HACD1: variants seen among roughly 807,000 people sequenced by gnomAD.
The protein encoded by HACD1 is 3-hydroxyacyl-CoA dehydratase 1.
HACD1 carries 41 observed loss-of-function variants against 32.0 expected under a neutral mutation model. The ratio of observed to expected loss-of-function variants is 1.28; its 90% CI spans 1.00 to 1.66. The LOEUF is 1.66. Ranked by LOEUF, HACD1 falls within the 40% of genes most tolerant of loss-of-function variation. HACD1 has a pLI of 0.00. For missense variants in HACD1, 396 were observed against 380.1 expected (o/e 1.04, Z -0.35); for synonymous variants, 142 against 139.0 (o/e 1.02, Z -0.15).
chr10:17,605,196 T>C, intron 1 of HACD1, among the ~76,000 whole-genome samples: 1 of 152,044 alleles, frequency 6.6e-6, no homozygotes, highest in Admixed American at 6.6e-5. Flanking sequence ...CACAAAAATG[T>C]GAATGTACTT....
chr10:17,601,185 C>A (rs911741654), intron 4 of HACD1, among the ~76,000 whole-genome samples: 5 of 151,998 alleles, frequency 3.3e-5, no homozygotes, highest in African/African-American at 1.2e-4. Flanking sequence ...AGGTGCGCAC[C>A]ACCACACCTG....
intron 1 of HACD1, among the ~76,000 whole-genome samples, chr10:17,605,469 G>A (rs578114073): frequency 2.0e-5 from 3 of 150,824 alleles, no homozygotes; most frequent in Non-Finnish European, 4.4e-5. Flanking sequence ...AGGTTGCAGT[G>A]AGCCAAGATC....
chr10:17,606,272 A>C (rs563209950), intron 1 of HACD1, among the ~76,000 whole-genome samples: 2 of 152,374 alleles, frequency 1.3e-5, no homozygotes, highest in African/African-American at 4.8e-5. Context: ...TGTTCTGTGA[A>C]TAATAATCGT....
chr10:17,606,665 C>G (rs536795680), intron 1 of HACD1, among the ~76,000 whole-genome samples: 56 of 152,264 alleles, frequency 3.7e-4, no homozygotes, highest in Non-Finnish European at 7.1e-4. Flanking sequence ...AATAAGATGG[C>G]AGAATGACAC....
Position 17,594,289 on chromosome 10 carries a change from A to T in HACD1, c.700T>A (p.Phe234Ile). ...ALPHVKKTGM[F>I]SIRLPNKYNV... ...TATTTGTTAGGAAGTCTTATTGAAAACATTCCTGTTTTCTTCACATGCGGC... is the reference window on the plus strand; with the variant it reads ...TATTTGTTAGGAAGTCTTATTGAAATCATTCCTGTTTTCTTCACATGCGGC... The change falls in exon 6 of 7, where the codon TTT becomes ATT. Residue 234 changes from phenylalanine to isoleucine, a missense_variant. Coordinates refer to ENST00000361271, the MANE Select transcript of HACD1 (RefSeq NM_014241.4). The T allele has an allele frequency of 6.2e-7, 1 of 1,603,202 alleles. No homozygotes were observed. Among genetic ancestry groups the T allele is most frequent in the Non-Finnish European group, 8.5e-7 (1 of 1,174,570 alleles).
intron 5 of HACD1, among the ~76,000 whole-genome samples, chr10:17,597,728 T>C (rs1162201278): frequency 1.3e-5 from 2 of 151,878 alleles, no homozygotes; most frequent in Non-Finnish European, 2.9e-5. Context: ...GTTCTAGGAT[T>C]AGAGTCCAGC....
chr10:17,593,696 G>A lies in HACD1; in HGVS notation c.784+509C>T, dbSNP rs534436421. ...AAAGATGATGAGAAATTAGTGAAGAGGCTGACTTATTCAAAATCCTTTAAG... is the reference window on the plus strand; with the variant it reads ...AAAGATGATGAGAAATTAGTGAAGAAGCTGACTTATTCAAAATCCTTTAAG... On this transcript the variant is annotated intron_variant, in intron 6 of 6. Transcript: ENST00000361271. 2.4e-4 allele frequency among the ~76,000 whole-genome samples: 36 copies of A among 152,288 alleles called. No homozygotes were observed. In the East Asian group the frequency reaches 6.9e-3, roughly 29 times the overall value.
intron 1 of HACD1, among the ~76,000 whole-genome samples, chr10:17,606,162 C>G (rs1834144958): frequency 6.6e-6 from 1 of 151,524 alleles, no homozygotes; most frequent in Non-Finnish European, 1.5e-5. Context: ...CAACAAAGAC[C>G]CTGTCTCAAA....
chr10:17,612,920 C>CAA (rs67797913), intron 1 of HACD1, among the ~76,000 whole-genome samples: 2 of 125,480 alleles, frequency 1.6e-5, no homozygotes, highest in African/African-American at 5.8e-5. Context: ...GACTCCGTCT[C>CAA]AAAAAAAAAA....
chr10:17,595,789 C>T (rs1264536129), intron 5 of HACD1, among the ~76,000 whole-genome samples: 1 of 151,900 alleles, frequency 6.6e-6, no homozygotes, highest in Non-Finnish European at 1.5e-5. Context: ...GAGTGCAAGA[C>T]CACTCTGGGC....
At chr10:17,592,944 G>A (rs1321656926) in intron 6 of HACD1, among the ~76,000 whole-genome samples, 2 of 152,210 alleles carry the variant, frequency 1.3e-5, no homozygotes, top group East Asian at 1.9e-4. Flanking sequence ...GCTCATGCCT[G>A]TAATCCCAGC....
chr10:17,614,295 T>A (rs1157944189), intron 1 of HACD1, among the ~76,000 whole-genome samples: 4 of 152,212 alleles, frequency 2.6e-5, no homozygotes, highest in African/African-American at 7.2e-5. Flanking sequence ...GTTTTATTTT[T>A]TTGTGTGAGA....
In HACD1 at chr10:17,599,374, G is replaced by A. The variant is rs192837994; in HGVS notation, c.521C>T (p.Ala174Val). The change falls in exon 5 of 7, where the codon GCG becomes GTG. Residue 174 changes from alanine (A) to valine (V), a missense_variant. Transcript: ENST00000361271. The stretch of plus-strand genomic sequence containing the variant: ...GCGAGTGATCTCTGTCACAGTCCAC[G>A]CGACCAGAAAAAGCACCACACTCTC... The part of the protein sequence containing the change: ...NEESVVLFLV[A>V]WTVTEITRYS... The A allele has an allele frequency of 2.2e-4, 359 of 1,613,764 alleles. No individual in the cohort carries two copies. The East Asian group carries it at 3.3e-3, about 15-fold the overall frequency.
intron 3 of HACD1, 31 bp downstream of exon 3, chr10:17,603,695 A>T (rs782361177): frequency 1.1e-5 from 17 of 1,603,946 alleles, no homozygotes; most frequent in Non-Finnish European, 1.5e-5. Context: ...GCAATTTATA[A>T]TAAAAGTATA....
chr10:17,591,354 G>A (rs1554815566), intron 6 of HACD1, among the ~76,000 whole-genome samples: 1 of 152,028 alleles, frequency 6.6e-6, no homozygotes, highest in Non-Finnish European at 1.5e-5. Context: ...TTGCCCTCTG[G>A]GTAGCAAATT....
intron 1 of HACD1, among the ~76,000 whole-genome samples, chr10:17,615,076 A>G (rs973010344): frequency 2.0e-5 from 3 of 152,246 alleles, no homozygotes; most frequent in East Asian, 1.9e-4. Context: ...TAACCAGACT[A>G]TCACAGAGGT....
At position 17,599,310 on chromosome 10, in the gene HACD1, T is replaced by G; in HGVS notation, c.585A>C (p.Pro195=). Residue 195 remains proline (P), a synonymous_variant, in exon 5 of 7, where the codon CCA becomes CCC. Transcript: ENST00000361271. ...FYTFSLLDHL[P]YFIKWARYNF... is the part of the protein sequence containing the mutation. ...GCCACCTGGCCCATTTAATGAAGTA[T>G]GGCAAGTGGTCAAGAAGGCTGAATG... The G allele has an allele frequency of 6.2e-7, 1 of 1,614,010 alleles. No homozygotes were observed. The highest frequency in any genetic ancestry group is 8.5e-7 in the Non-Finnish European group (1 of 1,180,000).
intron 1 of HACD1, among the ~76,000 whole-genome samples, chr10:17,614,525 G>A (rs932924740): frequency 1.3e-5 from 2 of 151,840 alleles, no homozygotes; most frequent in Admixed American, 6.6e-5. Flanking sequence ...TTACAGACGT[G>A]AGCCACCGTG....
intron 1 of HACD1, among the ~76,000 whole-genome samples, chr10:17,608,724 C>T (rs936603711): frequency 1.3e-5 from 2 of 152,040 alleles, no homozygotes; most frequent in Admixed American, 6.6e-5. Flanking sequence ...TGACCTCAAG[C>T]GATCTGCCTG....
Sources: allele counts gnomAD v4.1 joint callset (sites outside exome capture counted in the v4.1 genomes callset), GRCh38; gene constraint gnomAD v4.1.1; transcripts MANE v1.5; gene names NCBI Gene and HGNC (gene_info 2026-07-23, HGNC 2026-07-21).